PCED1B: variants seen among roughly 807,000 people sequenced by gnomAD.
PCED1B encodes the protein PC-esterase domain containing 1B, also known as PC-esterase domain-containing protein 1B.
For missense variants in PCED1B, 573 were observed against 573.9 expected, an observed-to-expected ratio of 1.00 and a Z score of 0.02; for synonymous variants, 251 against 246.1, an observed-to-expected ratio of 1.02 and a Z score of -0.19.
At chr12:47,173,247 A>G (rs1043255776) in intron 2 of PCED1B, among the ~76,000 whole-genome samples, 10 of 152,110 alleles carry the variant, frequency 6.6e-5, no homozygotes, top group Middle Eastern at 3.2e-3. Flanking sequence ...GTTCAGAATC[A>G]TTTATCTCCT....
chr12:47,141,303 A>G (rs549085867), intron 2 of PCED1B, among the ~76,000 whole-genome samples: 1 of 152,208 alleles, frequency 6.6e-6, no homozygotes, highest in Non-Finnish European at 1.5e-5. Flanking sequence ...AGGTTGCAAA[A>G]CCCAAGCACA....
At chr12:47,125,528 T>C (rs1939850904) in intron 2 of PCED1B, among the ~76,000 whole-genome samples, 1 of 152,062 alleles carries the variant, frequency 6.6e-6, no homozygotes, top group Non-Finnish European at 1.5e-5. Flanking sequence ...ATGATTAGCT[T>C]GTCGATTTTG....
chr12:47,089,461 C>CATGTATATATATATATATATATATATAT (rs1233280547), intron 1 of PCED1B, among the ~76,000 whole-genome samples: 3 of 63,412 alleles, frequency 4.7e-5, no homozygotes, highest in South Asian at 5.9e-4. Context: ...AAAAAAAATA[C>CATGTATATATATATATATATATATATAT]ATATATATAT....
chr12:47,176,482 G>A (rs918072108), intron 2 of PCED1B, among the ~76,000 whole-genome samples: 1 of 152,198 alleles, frequency 6.6e-6, no homozygotes, highest in Non-Finnish European at 1.5e-5. Flanking sequence ...AGACCTTCGG[G>A]TTGCTGAACA....
Position 47,181,667 on chromosome 12 carries a change from G to A in PCED1B, c.-525-34555G>A, listed in dbSNP as rs147706845. ...CAGGCATGAGTGACCCCACCTGGCC[G>A]AGATAGATTCTTTCTAATATATATT... On this transcript the variant is annotated intron_variant, in intron 2 of 3. Transcript: ENST00000546455. Among the ~76,000 whole-genome samples the A allele has an allele frequency of 6.1e-4, 93 of 151,832 alleles. No homozygotes were observed. The East Asian group carries it at 0.016, about 27-fold the overall frequency.
At chr12:47,195,174 C>T (rs1019623931) in intron 2 of PCED1B, among the ~76,000 whole-genome samples, 4 of 151,834 alleles carry the variant, frequency 2.6e-5, no homozygotes, top group Non-Finnish European at 5.9e-5. Flanking sequence ...TCTAAAAATA[C>T]AAAAATCAGC....
intron 3 of PCED1B, among the ~76,000 whole-genome samples, chr12:47,227,824 G>A (rs1943679986): frequency 6.6e-6 from 1 of 151,938 alleles, no homozygotes; most frequent in African/African-American, 2.4e-5. Context: ...CTGCACTCCA[G>A]CCTGGGTGAC....
intron 1 of PCED1B, among the ~76,000 whole-genome samples, chr12:47,094,121 G>A (rs1166578962): frequency 6.6e-6 from 1 of 151,970 alleles, no homozygotes; most frequent in East Asian, 1.9e-4. Context: ...ATTATTAGGT[G>A]CACAGAGATT....
chr12:47,108,933 C>G (rs1179796202), intron 2 of PCED1B, among the ~76,000 whole-genome samples: 1 of 152,214 alleles, frequency 6.6e-6, no homozygotes, highest in Non-Finnish European at 1.5e-5. Context: ...TCGGGGCACA[C>G]ACCAACTTTT....
At chr12:47,158,670 T>G (rs1052980973) in intron 2 of PCED1B, among the ~76,000 whole-genome samples, 1 of 152,204 alleles carries the variant, frequency 6.6e-6, no homozygotes, top group Non-Finnish European at 1.5e-5. Flanking sequence ...TGGTACATAT[T>G]TATGAGGTAC....
At chr12:47,189,582 T>C (rs186583648) in intron 2 of PCED1B, among the ~76,000 whole-genome samples, 100 of 152,342 alleles carry the variant, frequency 6.6e-4, no homozygotes, top group African/African-American at 2.3e-3. Context: ...TCAAGGCTTA[T>C]ATTAGTGGCT....
At chr12:47,186,348 A>G (rs958318485) in intron 2 of PCED1B, among the ~76,000 whole-genome samples, 2 of 152,160 alleles carry the variant, frequency 1.3e-5, no homozygotes, top group Non-Finnish European at 2.9e-5. Flanking sequence ...GGGAAGGCAA[A>G]TATATGGGGA....
rs1041389243 is a variant in PCED1B, at chr12:47,216,245, G to A, written c.-502G>A. 6.6e-6 allele frequency: 1 copy of A among 152,018 alleles called. No homozygotes were observed. Among genetic ancestry groups the A allele is most frequent in the Non-Finnish European group, 1.5e-5 (1 of 68,018 alleles). 9.4% of individuals were successfully genotyped at this position (152,018 alleles called of 1,614,324 possible). On this transcript the variant is annotated 5_prime_UTR_variant, in exon 3 of 4. Transcript: ENST00000546455. ...AGCCGTGAACATACCACACCAGCAAGAACAATAAGAGCCAAGGGTCTGAAT... is the reference window on the plus strand; with the variant it reads ...AGCCGTGAACATACCACACCAGCAAAAACAATAAGAGCCAAGGGTCTGAAT...
At chr12:47,188,049 A>G (rs1002976811) in intron 2 of PCED1B, among the ~76,000 whole-genome samples, 12 of 152,064 alleles carry the variant, frequency 7.9e-5, no homozygotes, top group Admixed American at 7.2e-4. Flanking sequence ...TCTTACCTGG[A>G]AGCACCTCTT....
At chr12:47,161,320 T>TA (rs970799753) in intron 2 of PCED1B, among the ~76,000 whole-genome samples, 18 of 152,294 alleles carry the variant, frequency 1.2e-4, no homozygotes, top group South Asian at 8.3e-4. Flanking sequence ...CACAATTTGT[T>TA]AAAAAAATGG....
chr12:47,080,972 G>C (rs1001683313), intron 1 of PCED1B, among the ~76,000 whole-genome samples: 2 of 152,162 alleles, frequency 1.3e-5, no homozygotes, highest in Non-Finnish European at 2.9e-5. Flanking sequence ...TGCCGCGGCC[G>C]ACCAGCGCGC....
intron 2 of PCED1B, among the ~76,000 whole-genome samples, chr12:47,152,442 AAG>A (rs1426514008): frequency 3.5e-4 from 54 of 152,220 alleles, no homozygotes; most frequent in Admixed American, 3.4e-3. Flanking sequence ...CCCAAATTGA[AAG>A]ACTCTTCATA....
intron 2 of PCED1B, among the ~76,000 whole-genome samples, chr12:47,178,933 AGATT>A (rs1199544061): frequency 6.6e-6 from 1 of 152,134 alleles, no homozygotes; most frequent in East Asian, 1.9e-4. Context: ...CATGAACGTA[AGATT>A]GATTATCTTC....
chr12:47,135,563 A>T, intron 2 of PCED1B: 1 of 514,686 alleles, frequency 1.9e-6, no homozygotes, highest in South Asian at 1.5e-5. Context: ...GCCAGGGCCC[A>T]GATGTTCAGG....
Sources: gnomAD v4.1 joint callset for allele counts (sites outside exome capture counted in the v4.1 genomes callset) on GRCh38, gnomAD v4.1.1 for gene constraint, MANE v1.5 for transcripts, NCBI Gene and HGNC (gene_info 2026-07-23, HGNC 2026-07-21) for gene names.